TASP1: variants seen among roughly 807,000 people sequenced by gnomAD.
The protein encoded by TASP1 is taspase 1, also known as threonine aspartase 1.
TASP1 carries 16 observed loss-of-function variants against 56.6 expected under a neutral mutation model. The observed-to-expected ratio is 0.28, with a 90% CI of 0.19 to 0.43. The LOEUF (loss-of-function observed/expected upper bound fraction) is 0.43. Among genes scored for constraint, TASP1 ranks in the 20% least tolerant of loss-of-function variants. TASP1 has a pLI of 1.00. For synonymous variants in TASP1, 179 were observed against 184.2 expected, an observed-to-expected ratio of 0.97 and a Z score of 0.23; for missense variants, 393 against 511.6, an observed-to-expected ratio of 0.77 and a Z score of 2.24.
At chr20:13,548,906 G>A (rs564826695) in intron 8 of TASP1, among the ~76,000 whole-genome samples, 2 of 152,270 alleles carry the variant, frequency 1.3e-5, no homozygotes, top group Admixed American at 1.3e-4. Context: ...CTAAGAATCT[G>A]TAGTTTTAAA....
chr20:13,257,007 T>A, the TASP1 span, among the ~76,000 whole-genome samples: 1 of 151,870 alleles, frequency 6.6e-6, no homozygotes, highest in South Asian at 2.1e-4. Context: ...TGAAAGTGAG[T>A]GCTAGAAAAG....
At chr20:13,409,686 A>G (rs1431405341) in intron 13 of TASP1, among the ~76,000 whole-genome samples, 1 of 152,058 alleles carries the variant, frequency 6.6e-6, no homozygotes, top group African/African-American at 2.4e-5. Flanking sequence ...CAACTGACAT[A>G]CTAATCATTT....
intron 4 of TASP1, chr20:13,600,500 A>C (rs2047915504): frequency 6.6e-6 from 1 of 152,176 alleles, no homozygotes; most frequent in South Asian, 2.1e-4. Flanking sequence ...ATTTTCAAGA[A>C]ACTGTACTAG....
At chr20:13,586,033 G>A (rs908554583) in intron 5 of TASP1, among the ~76,000 whole-genome samples, 1 of 151,988 alleles carries the variant, frequency 6.6e-6, no homozygotes, top group Non-Finnish European at 1.5e-5. Flanking sequence ...TACTTGGGAG[G>A]CTGAGGCAGA....
At chr20:13,314,754 A>G in the TASP1 span, among the ~76,000 whole-genome samples, 2 of 152,262 alleles carry the variant, frequency 1.3e-5, no homozygotes, top group African/African-American at 2.4e-5. Context: ...TTCTTGATTG[A>G]TCTAACAGAT....
At chr20:13,122,037 G>A in the TASP1 span, among the ~76,000 whole-genome samples, 5 of 152,192 alleles carry the variant, frequency 3.3e-5, no homozygotes, top group East Asian at 7.7e-4. Flanking sequence ...TGGTCCCCAA[G>A]CTAAGAGACA....
the TASP1 span, among the ~76,000 whole-genome samples, chr20:13,324,124 C>T: frequency 1.3e-3 from 193 of 152,292 alleles, 1 homozygote; most frequent in African/African-American, 4.3e-3. Flanking sequence ...CAGGTACTAT[C>T]CCTGGGACCT....
downstream of TASP1, among the ~76,000 whole-genome samples, chr20:13,387,184 A>ATTTT (rs779048448): frequency 0.024 from 1,723 of 70,736 alleles, 152 homozygotes; most frequent in African/African-American, 0.043. Flanking sequence ...ACATGATTTC[A>ATTTT]TTTTTTTTTT....
chr20:13,522,371 T>C (rs566177528), intron 10 of TASP1, among the ~76,000 whole-genome samples: 1 of 152,266 alleles, frequency 6.6e-6, no homozygotes, highest in African/African-American at 2.4e-5. Context: ...TTAGAGATGA[T>C]GGCACCACAG....
At chr20:13,525,438 C>A (rs560973095) in intron 10 of TASP1, among the ~76,000 whole-genome samples, 23 of 152,206 alleles carry the variant, frequency 1.5e-4, no homozygotes, top group South Asian at 1.2e-3. Flanking sequence ...ACCCCCTCTC[C>A]CCAAGCCCTT....
At chr20:13,311,247 A>AGAT in the TASP1 span, among the ~76,000 whole-genome samples, 210 of 116,272 alleles carry the variant, frequency 1.8e-3, no homozygotes, top group South Asian at 2.2e-3. Context: ...GATAGATGAT[A>AGAT]GATAGATAGA....
the TASP1 span, among the ~76,000 whole-genome samples, chr20:13,187,146 T>A: frequency 6.6e-6 from 1 of 151,918 alleles, no homozygotes; most frequent in African/African-American, 2.4e-5. Flanking sequence ...ATCAGCGCGC[T>A]TGGAGATAAG....
At chr20:13,573,234 C>T (rs1028841393) in intron 6 of TASP1, among the ~76,000 whole-genome samples, 1 of 151,964 alleles carries the variant, frequency 6.6e-6, no homozygotes, top group Admixed American at 6.6e-5. Context: ...AACTGTGTTC[C>T]CCCAAAATTC....
chr20:13,245,916 C>T, the TASP1 span, among the ~76,000 whole-genome samples: 1 of 152,184 alleles, frequency 6.6e-6, no homozygotes, highest in Admixed American at 6.5e-5. Flanking sequence ...CTTGTACCCG[C>T]CCACTCCGAT....
chr20:13,262,448 GGTTT>G, the TASP1 span, among the ~76,000 whole-genome samples: 9 of 152,122 alleles, frequency 5.9e-5, no homozygotes, highest in African/African-American at 2.2e-4. Flanking sequence ...ATGTGTGAAG[GGTTT>G]GTTTTTCTTT....
At chr20:13,221,818 G>A in the TASP1 span, 1 of 1,458,522 alleles carries the variant, frequency 6.9e-7, no homozygotes, top group Non-Finnish European at 9.0e-7. Context: ...TGCTGGGGCT[G>A]CTGCTGCTCA....
chr20:13,119,518 C>T, the TASP1 span, among the ~76,000 whole-genome samples: 1 of 152,258 alleles, frequency 6.6e-6, no homozygotes, highest in African/African-American at 2.4e-5. Flanking sequence ...TTACATTAAT[C>T]GGGATGCAGA....
At chr20:13,330,495 G>A in the TASP1 span, among the ~76,000 whole-genome samples, 10 of 152,228 alleles carry the variant, frequency 6.6e-5, no homozygotes, top group South Asian at 2.1e-4. Flanking sequence ...TTGTAGTGGC[G>A]TTAATTTTGG....
intron 9 of TASP1, 45 bp from the exon 10 acceptor site, chr20:13,528,556 T>G (rs1013473934): frequency 1.3e-6 from 2 of 1,501,228 alleles, no homozygotes; most frequent in African/African-American, 2.8e-5. Flanking sequence ...AAATATCATA[T>G]GTAATTATTA....
Sources: allele counts gnomAD v4.1 joint callset (sites outside exome capture counted in the v4.1 genomes callset), GRCh38; gene constraint gnomAD v4.1.1; transcripts MANE v1.5; gene names NCBI Gene and HGNC (gene_info 2026-07-23, HGNC 2026-07-21).